Variants in AGBL1 observed in about 807,000 individuals in gnomAD.
The protein encoded by AGBL1 is AGBL carboxypeptidase 1, also known as cytosolic carboxypeptidase 4.
AGBL1 carries 130 observed loss-of-function variants against 118.9 expected under a neutral mutation model. That is an observed-to-expected ratio of 1.09 (90% CI 0.95 to 1.26). The LOEUF is 1.26. Among genes scored for constraint, AGBL1 ranks in the 50% most tolerant of loss-of-function variants. The probability of loss-of-function intolerance (pLI) is 0.00; values close to 1 mark genes in which losing one functional copy is unlikely to be tolerated. For synonymous variants in AGBL1, 555 were observed against 478.9 expected (o/e 1.16, Z -2.08); for missense variants, 1,584 against 1,298.1 (o/e 1.22, Z -3.38).
chr15:86,817,490 A>ACACG (rs1485868977), intron 22 of AGBL1, among the ~76,000 whole-genome samples: 2 of 149,594 alleles, frequency 1.3e-5, no homozygotes, highest in Non-Finnish European at 3.0e-5. Flanking sequence ...ACACACACAC[A>ACACG]CAGAGGAGAG....
At chr15:86,771,478 T>G (rs2141289171) in intron 22 of AGBL1, among the ~76,000 whole-genome samples, 1 of 152,060 alleles carries the variant, frequency 6.6e-6, no homozygotes, top group East Asian at 1.9e-4. Flanking sequence ...TGGATAACTT[T>G]TTGGAGGGAG....
At chr15:86,648,359 A>G (rs1443925315) in intron 21 of AGBL1, among the ~76,000 whole-genome samples, 1 of 152,156 alleles carries the variant, frequency 6.6e-6, no homozygotes, top group Admixed American at 6.5e-5. Context: ...AGGCAGAGCC[A>G]ATAGGACTTT....
chr15:86,240,248 A>T (rs1490309476), intron 6 of AGBL1, among the ~76,000 whole-genome samples: 1 of 152,264 alleles, frequency 6.6e-6, no homozygotes, highest in African/African-American at 2.4e-5. Context: ...CACATAGGAA[A>T]TATTTAGTAA....
intron 22 of AGBL1, among the ~76,000 whole-genome samples, chr15:86,795,970 A>G (rs1596488563): frequency 6.6e-6 from 1 of 151,914 alleles, no homozygotes; most frequent in Non-Finnish European, 1.5e-5. Flanking sequence ...CCTCAGTTTC[A>G]CTGTGTTAGG....
At chr15:86,551,738 G>A (rs956701079) in intron 20 of AGBL1, among the ~76,000 whole-genome samples, 1 of 152,058 alleles carries the variant, frequency 6.6e-6, no homozygotes, top group Admixed American at 6.6e-5. Flanking sequence ...GCCAAAATGA[G>A]GGCATCACAA....
chr15:86,383,960 A>T (rs2081147244), intron 17 of AGBL1, among the ~76,000 whole-genome samples: 1 of 152,214 alleles, frequency 6.6e-6, no homozygotes, highest in Admixed American at 6.5e-5. Flanking sequence ...CAAGATTGTT[A>T]TCTCTTAGTG....
intron 24 of AGBL1, among the ~76,000 whole-genome samples, chr15:86,997,905 A>G (rs950851213): frequency 7.6e-6 from 1 of 131,962 alleles, no homozygotes; most frequent in East Asian, 2.0e-4. Flanking sequence ...ACACACACAC[A>G]CACACACACA....
At position 86,770,622 on chromosome 15, in the gene AGBL1, C is replaced by T. The variant is rs114728669; in HGVS notation, c.3158+96186C>T. Reference sequence around the variant, plus strand: ...GGATGGCAGAGTTGGTCAGAGGAGACGTACCTGAAGAGGTGAGTTTTGAGC... The same window carrying T: ...GGATGGCAGAGTTGGTCAGAGGAGATGTACCTGAAGAGGTGAGTTTTGAGC... On this transcript the variant is annotated intron_variant, in intron 22 of 22. Transcript: ENST00000614907. Among the ~76,000 whole-genome samples, 674 of 152,014 alleles carry T rather than the reference C, an allele frequency of 4.4e-3. 6 individuals carry two copies. The highest frequency in any genetic ancestry group is 0.015 in the African/African-American group (609 of 41,512).
chr15:86,750,174 T>G (rs2077825216), intron 22 of AGBL1, among the ~76,000 whole-genome samples: 1 of 152,108 alleles, frequency 6.6e-6, no homozygotes, highest in African/African-American at 2.4e-5. Context: ...TAACTGTGTG[T>G]GTGCATGTGT....
chr15:86,367,174 A>C (rs1240740116), intron 17 of AGBL1, among the ~76,000 whole-genome samples: 1 of 152,222 alleles, frequency 6.6e-6, no homozygotes, highest in Non-Finnish European at 1.5e-5. Flanking sequence ...GGGCTCATGT[A>C]AATCAAAAGT....
chr15:86,848,991 A>C (rs2079358080), intron 22 of AGBL1, among the ~76,000 whole-genome samples: 1 of 152,134 alleles, frequency 6.6e-6, no homozygotes, highest in Non-Finnish European at 1.5e-5. Context: ...AACCTGCCTA[A>C]AATAACAGAG....
chr15:86,400,749 T>C (rs1181180974), intron 18 of AGBL1, among the ~76,000 whole-genome samples: 1 of 152,094 alleles, frequency 6.6e-6, no homozygotes, highest in Non-Finnish European at 1.5e-5. Context: ...AGAATAACAG[T>C]CTCCAACTCC....
chr15:86,230,889 G>A (rs941690106), intron 6 of AGBL1, among the ~76,000 whole-genome samples: 3 of 152,036 alleles, frequency 2.0e-5, no homozygotes, highest in Non-Finnish European at 4.4e-5. Context: ...GCCCCAAGGC[G>A]GCCTCTGAGA....
At chr15:86,554,336 C>A (rs372516517) in intron 20 of AGBL1, 25 bp from the exon 21 acceptor site, 1 of 1,526,684 alleles carries the variant, frequency 6.6e-7, no homozygotes, top group African/African-American at 1.4e-5. Context: ...AACTAATCAT[C>A]GTTTGATTTT....
In AGBL1 at chr15:86,276,831, C is replaced by T. The variant is rs562487411; in HGVS notation, c.2076-2808C>T. Among the ~76,000 whole-genome samples, 26 of 152,290 alleles carry T rather than the reference C, an allele frequency of 1.7e-4. 1 individual carries two copies. Among genetic ancestry groups the T allele is most frequent in the African/African-American group, 4.3e-4 (18 of 41,566 alleles). On this transcript the variant is annotated intron_variant, in intron 15 of 22. Coordinates refer to ENST00000614907, the MANE Select transcript of AGBL1 (RefSeq NM_001386094.1). ...ATATGTCCACATCATAACTGGGAAACGAAAAGAACTTGTTGATGGGATCTC... is the reference window on the plus strand; with the variant it reads ...ATATGTCCACATCATAACTGGGAAATGAAAAGAACTTGTTGATGGGATCTC...
intron 21 of AGBL1, among the ~76,000 whole-genome samples, chr15:86,562,554 A>G (rs1596267887): frequency 6.6e-6 from 1 of 152,160 alleles, no homozygotes; most frequent in East Asian, 1.9e-4. Context: ...CCAGTATTTT[A>G]TTGAGGATTT....
intron 22 of AGBL1, among the ~76,000 whole-genome samples, chr15:86,768,505 C>T (rs1372857830): frequency 2.6e-5 from 4 of 151,872 alleles, no homozygotes; most frequent in Non-Finnish European, 5.9e-5. Flanking sequence ...TGCATTTGCT[C>T]TGGTGTAAGG....
intron 21 of AGBL1, among the ~76,000 whole-genome samples, chr15:86,647,635 A>C (rs1349932495): frequency 6.6e-6 from 1 of 152,200 alleles, no homozygotes; most frequent in East Asian, 1.9e-4. Context: ...TAGGAGGCGG[A>C]GGTTGCAGTG....
chr15:86,509,631 T>C (rs528988501), intron 18 of AGBL1, among the ~76,000 whole-genome samples: 15 of 152,132 alleles, frequency 9.9e-5, no homozygotes, highest in African/African-American at 3.4e-4. Flanking sequence ...GTAATTTATA[T>C]AGGAGATAAT....
Sources: gnomAD v4.1 joint callset for allele counts (sites outside exome capture counted in the v4.1 genomes callset) on GRCh38, gnomAD v4.1.1 for gene constraint, MANE v1.5 for transcripts, NCBI Gene and HGNC (gene_info 2026-07-23, HGNC 2026-07-21) for gene names.